The following HSD17B12 variants were observed in gnomAD, a reference collection of about 807,000 sequenced individuals.
HSD17B12 encodes the protein hydroxysteroid 17-beta dehydrogenase 12.
In HSD17B12, 32 loss-of-function variants were observed where a neutral mutation model predicts 39.3. The ratio of observed to expected loss-of-function variants is 0.81; its 90% CI spans 0.61 to 1.09. The LOEUF (loss-of-function observed/expected upper bound fraction) is 1.09, where lower values mean the gene tolerates loss of function less well. Ranked by LOEUF, HSD17B12 falls within the 50% of genes least tolerant of loss-of-function variation. The probability of loss-of-function intolerance (pLI) is 0.00; values close to 1 mark genes in which losing one functional copy is unlikely to be tolerated. For synonymous variants in HSD17B12, 150 were observed against 146.7 expected (o/e 1.02, Z -0.16); for missense variants, 342 against 382.9 (o/e 0.89, Z 0.89).
At chr11:43,637,769 A>T in the HSD17B12 span, among the ~76,000 whole-genome samples, 1 of 152,244 alleles carries the variant, frequency 6.6e-6, no homozygotes, top group African/African-American at 2.4e-5. Context: ...CACAGTGTCC[A>T]TGAGCTAGGA....
chr11:43,754,130 T>A lies in HSD17B12; in HGVS notation c.283+9T>A, dbSNP rs775233338. 4 of 1,587,218 alleles carry A rather than the reference T, an allele frequency of 2.5e-6. No homozygotes were observed. Among genetic ancestry groups the A allele is most frequent in the South Asian group, 1.1e-5 (1 of 89,914 alleles). On this transcript the variant is annotated intron_variant, in intron 3 of 10. Transcript: ENST00000278353. ...GGTTTCCAGTGAAATAAGTAAGTTCTCACATCAAACAAAAGGAATACATAG... is the reference window on the plus strand; with the variant it reads ...GGTTTCCAGTGAAATAAGTAAGTTCACACATCAAACAAAAGGAATACATAG...
chr11:43,741,404 G>T (rs1334569060), intron 1 of HSD17B12, among the ~76,000 whole-genome samples: 5 of 152,054 alleles, frequency 3.3e-5, no homozygotes, highest in African/African-American at 1.2e-4. Flanking sequence ...GAGTAGATGA[G>T]TTTGCTGGCT....
chr11:43,594,524 T>A, the HSD17B12 span, among the ~76,000 whole-genome samples: 1 of 151,522 alleles, frequency 6.6e-6, no homozygotes, highest in Non-Finnish European at 1.5e-5. Flanking sequence ...GGTTTTCTTT[T>A]CTCTTTTTTT....
intron 1 of HSD17B12, among the ~76,000 whole-genome samples, chr11:43,688,567 C>T (rs1294352571): frequency 2.0e-5 from 3 of 152,174 alleles, no homozygotes; most frequent in Admixed American, 1.3e-4. Context: ...GGAAAACTAT[C>T]CAGTTTCTGG....
intron 4 of HSD17B12, among the ~76,000 whole-genome samples, chr11:43,809,371 G>A (rs185530145): frequency 1.3e-5 from 2 of 152,214 alleles, no homozygotes; most frequent in East Asian, 3.9e-4. Context: ...ACTGAAACCT[G>A]GTTCTGTTAG....
At chr11:43,825,555 G>C (rs111874968) in intron 6 of HSD17B12, among the ~76,000 whole-genome samples, 3 of 152,306 alleles carry the variant, frequency 2.0e-5, no homozygotes, top group Middle Eastern at 3.4e-3. Flanking sequence ...AACAACATTA[G>C]GAATATGATA....
chr11:43,851,009 C>T (rs1051191640), intron 9 of HSD17B12, among the ~76,000 whole-genome samples: 25 of 152,108 alleles, frequency 1.6e-4, no homozygotes, highest in Admixed American at 9.2e-4. Context: ...TGCAGTGAGC[C>T]GAGATGGCGC....
the HSD17B12 span, among the ~76,000 whole-genome samples, chr11:43,619,032 AG>A: frequency 6.6e-6 from 1 of 151,160 alleles, no homozygotes; most frequent in Non-Finnish European, 1.5e-5. Flanking sequence ...AAGTAACAAG[AG>A]ACTTCTTTTT....
At chr11:43,668,445 A>T in the HSD17B12 span, among the ~76,000 whole-genome samples, 1 of 152,174 alleles carries the variant, frequency 6.6e-6, no homozygotes, top group South Asian at 2.1e-4. Flanking sequence ...CCCACCTCAA[A>T]GGTCCTTAAT....
chr11:43,611,000 A>G, the HSD17B12 span, among the ~76,000 whole-genome samples: 5 of 152,216 alleles, frequency 3.3e-5, no homozygotes, highest in African/African-American at 4.8e-5. Context: ...GGGAAGTCCA[A>G]TGTTCTAAGA....
the HSD17B12 span, among the ~76,000 whole-genome samples, chr11:43,663,247 G>A: frequency 6.6e-6 from 1 of 152,090 alleles, no homozygotes. Flanking sequence ...ATGCAGGCAT[G>A]TGCCACCACG....
At chr11:43,787,749 A>AAT (rs1554967750) in intron 3 of HSD17B12, among the ~76,000 whole-genome samples, 2 of 151,536 alleles carry the variant, frequency 1.3e-5, no homozygotes, top group South Asian at 2.1e-4. Flanking sequence ...AAAAAAAAAA[A>AAT]AATAATAATA....
intron 1 of HSD17B12, among the ~76,000 whole-genome samples, chr11:43,730,525 AATT>A (rs1394973301): frequency 6.6e-6 from 1 of 152,238 alleles, no homozygotes; most frequent in African/African-American, 2.4e-5. Flanking sequence ...GAGAAAAAAA[AATT>A]AGTTGAGAAT....
chr11:43,800,525 T>C (rs536796741), intron 4 of HSD17B12, among the ~76,000 whole-genome samples: 1 of 152,324 alleles, frequency 6.6e-6, no homozygotes, highest in East Asian at 1.9e-4. Context: ...AGGCACTCTT[T>C]AGCTGTTCTT....
the HSD17B12 span, among the ~76,000 whole-genome samples, chr11:43,641,373 T>C: frequency 3.3e-5 from 5 of 151,966 alleles, no homozygotes; most frequent in African/African-American, 4.8e-5. Context: ...TTTTAAAAAA[T>C]ATTTAGCAAA....
chr11:43,600,584 T>C, the HSD17B12 span, among the ~76,000 whole-genome samples: 3 of 152,190 alleles, frequency 2.0e-5, no homozygotes, highest in Non-Finnish European at 2.9e-5. Flanking sequence ...CATTATATTT[T>C]GGTGTATGAG....
chr11:43,724,411 C>T (rs1950203081), intron 1 of HSD17B12, among the ~76,000 whole-genome samples: 1 of 152,064 alleles, frequency 6.6e-6, no homozygotes, highest in Non-Finnish European at 1.5e-5. Flanking sequence ...ATACATAGAG[C>T]ACCAATTATT....
intron 3 of HSD17B12, among the ~76,000 whole-genome samples, chr11:43,758,621 C>G (rs1238856258): frequency 1.3e-5 from 2 of 152,182 alleles, no homozygotes; most frequent in Non-Finnish European, 2.9e-5. Context: ...CGGAAGTTCT[C>G]TGGTTCTCTC....
At chr11:43,663,479 G>A in the HSD17B12 span, among the ~76,000 whole-genome samples, 1 of 152,084 alleles carries the variant, frequency 6.6e-6, no homozygotes, top group Non-Finnish European at 1.5e-5. Flanking sequence ...CAGTCCTCTT[G>A]CATTAGCCTC....
Sources: gnomAD v4.1 joint callset for allele counts (sites outside exome capture counted in the v4.1 genomes callset) on GRCh38, gnomAD v4.1.1 for gene constraint, MANE v1.5 for transcripts, NCBI Gene and HGNC (gene_info 2026-07-23, HGNC 2026-07-21) for gene names.